The following HTR3B variants were observed in gnomAD, a reference collection of about 807,000 sequenced individuals.
HTR3B encodes the protein 5-hydroxytryptamine receptor 3B.
In HTR3B, 44 loss-of-function variants were observed where a neutral mutation model predicts 42.8. That is an observed-to-expected ratio of 1.03 (90% CI 0.81 to 1.32). The LOEUF (loss-of-function observed/expected upper bound fraction) is 1.32, where lower values mean the gene tolerates loss of function less well. Ranked by LOEUF, HTR3B falls within the 40% of genes most tolerant of loss-of-function variation. The pLI, the probability that HTR3B is intolerant of heterozygous loss-of-function variation, is 0.00. For synonymous variants in HTR3B, 203 were observed against 209.0 expected (o/e 0.97, Z 0.25); for missense variants, 527 against 536.5 (o/e 0.98, Z 0.17).
At chr11:113,910,615 A>G (rs1422049061) in intron 2 of HTR3B, among the ~76,000 whole-genome samples, 1 of 150,476 alleles carries the variant, frequency 6.6e-6, no homozygotes, top group African/African-American at 2.4e-5. Context: ...TAATTTTTGT[A>G]TTTTTAGTAG....
upstream of HTR3B, among the ~76,000 whole-genome samples, chr11:113,903,068 C>T (rs1241018603): frequency 6.6e-6 from 1 of 151,994 alleles, no homozygotes; most frequent in Non-Finnish European, 1.5e-5. Flanking sequence ...ACAGGGTATC[C>T]TTATGTAGCT....
chr11:113,935,151 G>A (rs1950080472), intron 6 of HTR3B, among the ~76,000 whole-genome samples: 1 of 152,106 alleles, frequency 6.6e-6, no homozygotes, highest in Non-Finnish European at 1.5e-5. Flanking sequence ...AGCAGCTGAA[G>A]GTTTTCTATA....
chr11:113,914,494 TG>T (rs1481269447), intron 2 of HTR3B, among the ~76,000 whole-genome samples: 1 of 151,952 alleles, frequency 6.6e-6, no homozygotes, highest in South Asian at 2.1e-4. Flanking sequence ...AAATTAATTT[TG>T]TTTTTTTGAG....
upstream of HTR3B, among the ~76,000 whole-genome samples, chr11:113,903,679 C>T (rs1018856519): frequency 5.9e-5 from 9 of 152,086 alleles, no homozygotes; most frequent in African/African-American, 1.2e-4. Context: ...CCACTGGCCT[C>T]GGCCTCCCAA....
intron 6 of HTR3B, among the ~76,000 whole-genome samples, chr11:113,934,538 C>T (rs1264565673): frequency 1.3e-5 from 2 of 152,184 alleles, no homozygotes; most frequent in African/African-American, 4.8e-5. Flanking sequence ...AAGGTGTATA[C>T]AGCTTTCCAG....
chr11:113,948,519 CT>C lies in HTR3B; in HGVS notation c.*2383del, dbSNP rs1394824862. ...GGGGCTGTTTATATTTGCTCTACCC[CT>C]ATCAAAGAGTTATGAGGATCAAAAT... On this transcript the variant is annotated 3_prime_UTR_variant, in exon 9 of 9. Coordinates refer to ENST00000260191, the MANE Select transcript of HTR3B (RefSeq NM_006028.5). 2.0e-5 allele frequency among the ~76,000 whole-genome samples: 3 copies of C among 152,184 alleles called. No individual in the cohort carries two copies. The highest frequency in any genetic ancestry group is 4.8e-5 in the African/African-American group (2 of 41,440).
chr11:113,933,124 C>A, intron 6 of HTR3B, 31 bp downstream of exon 6: 2 of 1,598,858 alleles, frequency 1.3e-6, no homozygotes, highest in Non-Finnish European at 1.7e-6. Context: ...CCCCGTTGCC[C>A]GCTTCTCCCC....
At chr11:113,937,664 G>C (rs1950101900) in intron 6 of HTR3B, among the ~76,000 whole-genome samples, 1 of 152,222 alleles carries the variant, frequency 6.6e-6, no homozygotes, top group Non-Finnish European at 1.5e-5. Context: ...GACTGGTGGA[G>C]CCTGGACTTG....
At chr11:113,939,276 C>T (rs1271485740) in intron 6 of HTR3B, among the ~76,000 whole-genome samples, 1 of 152,240 alleles carries the variant, frequency 6.6e-6, no homozygotes, top group Non-Finnish European at 1.5e-5. Context: ...TCTTTTCCCT[C>T]TGCCTTCATT....
intron 2 of HTR3B, among the ~76,000 whole-genome samples, chr11:113,914,763 A>G (rs947175593): frequency 4.6e-5 from 7 of 152,146 alleles, no homozygotes; most frequent in Non-Finnish European, 1.0e-4. Flanking sequence ...TTGGCCTTAT[A>G]AAACAGAATT....
Position 113,946,116 on chromosome 11 carries a change from G to T in HTR3B, c.1305G>T (p.Trp435Cys). The T allele has an allele frequency of 6.2e-7, 1 of 1,613,352 alleles. No homozygotes were observed. The highest frequency in any genetic ancestry group is 8.5e-7 in the Non-Finnish European group (1 of 1,179,454). ...ACACCATCACTCTGTGCTCCCTCTG[G>T]GCACTGTGGGGCGGCGTGTGAAGAC... Reference protein sequence around the residue: ...GIYTITLCSLWALWGGV With the variant: ...GIYTITLCSLCALWGGV Residue 435 changes from tryptophan to cysteine, a missense_variant, in exon 9 of 9, where the codon TGG (tryptophan) becomes TGT (cysteine). Trp to Cys is a radical substitution (Grantham distance 215). Transcript: ENST00000260191.
At chr11:113,940,844 C>T (rs1462654863) in intron 6 of HTR3B, among the ~76,000 whole-genome samples, 1 of 152,222 alleles carries the variant, frequency 6.6e-6, no homozygotes, top group African/African-American at 2.4e-5. Flanking sequence ...TTCTTTGTGA[C>T]ACTCTTCTCC....
At chr11:113,902,308 C>T (rs890661688), upstream of HTR3B, among the ~76,000 whole-genome samples, 28 of 149,428 alleles carry the variant, frequency 1.9e-4, no homozygotes, top group Non-Finnish European at 2.8e-4. Flanking sequence ...TTTTTTTTTT[C>T]TTTTCTGAGA....
Position 113,943,104 on chromosome 11 carries a change from C to G in HTR3B, c.819C>G (p.Phe273Leu), listed in dbSNP as rs749886032. Reference protein sequence around the residue: ...LPPNCRARIVFKTSVLVGYTV... With the variant: ...LPPNCRARIVLKTSVLVGYTV... ...CCAACTGCCGAGCCAGGATTGTGTT[C>G]AAGACCAGTGTGCTGGTGGGCTACA... is the stretch of plus-strand genomic sequence containing the variant. The change falls in exon 7 of 9, where the codon TTC becomes TTG. Residue 273 changes from phenylalanine (F) to leucine (L), a missense_variant. By Grantham distance (22) the Phe-to-Leu change is conservative. Transcript: ENST00000260191. The G allele has an allele frequency of 6.2e-6, 10 of 1,613,972 alleles. No individual in the cohort carries two copies. The highest frequency in any genetic ancestry group is 7.6e-6 in the Non-Finnish European group (9 of 1,180,020).
Position 113,904,829 on chromosome 11 carries a change from GAGA to G in HTR3B, c.-102_-100del, listed in dbSNP as rs45460698. 106,065 of 887,860 alleles carry G rather than the reference GAGA, an allele frequency of 0.12. 6,629 individuals carry two copies. The highest frequency in any genetic ancestry group is 0.22 in the Middle Eastern group (1,003 of 4,562). The allele number at this position is 887,860 out of a possible 1,614,324, so 55.0% of individuals were successfully genotyped here. A position where few individuals can be genotyped will look rare whatever the true frequency, so the allele number is the denominator to read the frequency against. ...TAAGGATAGCATCAACTGGCAAACGGAGAAGGAGGAGAACAGAGTGGAGAGGAA... is the reference window on the plus strand; with the variant it reads ...TAAGGATAGCATCAACTGGCAAACGGAGGAGGAGAACAGAGTGGAGAGGAA... On this transcript the variant is annotated 5_prime_UTR_variant, in exon 1 of 9. Transcript: ENST00000260191.
chr11:113,928,094 T>A (rs998563752), intron 2 of HTR3B, among the ~76,000 whole-genome samples: 4 of 152,160 alleles, frequency 2.6e-5, no homozygotes, highest in Admixed American at 6.5e-5. Context: ...CCATGTGTTC[T>A]CATTGTTCAG....
chr11:113,908,108 C>T (rs1949747216), intron 1 of HTR3B, among the ~76,000 whole-genome samples: 1 of 152,130 alleles, frequency 6.6e-6, no homozygotes, highest in Non-Finnish European at 1.5e-5. Context: ...CATTAGATTC[C>T]CAGTTCCGAC....
chr11:113,937,489 C>G (rs1565566106), intron 6 of HTR3B, among the ~76,000 whole-genome samples: 1 of 152,322 alleles, frequency 6.6e-6, no homozygotes, highest in Admixed American at 6.5e-5. Context: ...GACATAATAG[C>G]AATAACCACA....
chr11:113,901,933 A>C (rs1316349808), upstream of HTR3B, among the ~76,000 whole-genome samples: 1 of 152,182 alleles, frequency 6.6e-6, no homozygotes, highest in Non-Finnish European at 1.5e-5. Context: ...CTACATAGCT[A>C]TATTGCCTGT....
Sources: gnomAD v4.1 joint callset for allele counts (sites outside exome capture counted in the v4.1 genomes callset) on GRCh38, gnomAD v4.1.1 for gene constraint, MANE v1.5 for transcripts, NCBI Gene and HGNC (gene_info 2026-07-23, HGNC 2026-07-21) for gene names.